The following DMD variants were observed in gnomAD, a reference collection of about 807,000 sequenced individuals.
DMD encodes the protein mutant dystrophin.
Under a neutral mutation model 330.1 loss-of-function variants are expected in DMD, and 63 were observed. That is an observed-to-expected ratio of 0.19 (90% confidence interval 0.16 to 0.24). The LOEUF (loss-of-function observed/expected upper bound fraction) is 0.24, where lower values mean the gene tolerates loss of function less well. DMD is among the 10% of genes least tolerant of loss of function. DMD has a pLI of 1.00. For missense variants in DMD, 3,344 were observed against 2,684.1 expected, an observed-to-expected ratio of 1.25 and a Z score of -5.43; for synonymous variants, 1,223 against 959.8, an observed-to-expected ratio of 1.27 and a Z score of -5.07.
At chrX:32,877,376 A>G (rs968016210) in intron 2 of DMD, among the ~76,000 whole-genome samples, 1 of 112,718 alleles carries the variant, frequency 8.9e-6, no homozygotes, top group African/African-American at 3.2e-5. Context: ...GAATGCTAAC[A>G]TTTGAAAAAA....
chrX:32,588,502 A>C (rs1321142281), intron 13 of DMD, among the ~76,000 whole-genome samples: 1 of 112,206 alleles, frequency 8.9e-6, no homozygotes, highest in Non-Finnish European at 1.9e-5. Flanking sequence ...GACATAAAGC[A>C]GATAACATGA....
intron 44 of DMD, among the ~76,000 whole-genome samples, chrX:32,105,980 T>C (rs963420807): frequency 6.3e-5 from 7 of 111,859 alleles, no homozygotes; most frequent in African/African-American, 1.9e-4. Context: ...GCTTTCAAAA[T>C]TTTTTCCTGC....
At chrX:32,205,461 T>C (rs1404033959) in intron 44 of DMD, among the ~76,000 whole-genome samples, 1 of 109,947 alleles carries the variant, frequency 9.1e-6, no homozygotes, top group East Asian at 2.9e-4. Flanking sequence ...CTAGTTACTC[T>C]TTGGGTTGCC....
At chrX:31,341,533 G>A (rs5927725) in intron 61 of DMD, among the ~76,000 whole-genome samples, 29,795 of 110,707 alleles carry the variant, frequency 0.27, 3,055 homozygotes, top group East Asian at 0.55. Flanking sequence ...GAGGTGTTGA[G>A]AGAAAAATTT....
chrX:32,487,121 C>T (rs1410633960), intron 20 of DMD, among the ~76,000 whole-genome samples: 3 of 110,988 alleles, frequency 2.7e-5, no homozygotes, highest in Non-Finnish European at 5.7e-5. Context: ...GGCTAATATC[C>T]AGAATCTACA....
intron 16 of DMD, among the ~76,000 whole-genome samples, chrX:32,560,966 T>C (rs767139785): frequency 2.1e-4 from 24 of 111,912 alleles, no homozygotes; most frequent in Admixed American, 1.0e-3. Context: ...GTAACGGCCT[T>C]GCTGGGTATT....
chrX:32,679,578 G>A (rs1331142763), intron 9 of DMD, among the ~76,000 whole-genome samples: 1 of 110,652 alleles, frequency 9.0e-6, no homozygotes, highest in Non-Finnish European at 1.9e-5. Context: ...TTTAACAGAA[G>A]GAATCTTAAT....
At chrX:31,317,509 A>ATTTTT (rs775949235) in intron 62 of DMD, among the ~76,000 whole-genome samples, 1 of 84,913 alleles carries the variant, frequency 1.2e-5, no homozygotes. Flanking sequence ...AAATGAGGAA[A>ATTTTT]TTTTTTTTTT....
chrX:32,733,296 T>A (rs1316788784), intron 7 of DMD, among the ~76,000 whole-genome samples: 1 of 109,916 alleles, frequency 9.1e-6, no homozygotes, highest in Non-Finnish European at 1.9e-5. Flanking sequence ...AGACTTAGAC[T>A]CCCACACATT....
intron 2 of DMD, among the ~76,000 whole-genome samples, chrX:32,860,641 G>C (rs572275721): frequency 9.0e-6 from 1 of 110,593 alleles, no homozygotes; most frequent in African/African-American, 3.3e-5. Context: ...GCAGTATTCT[G>C]TTGCGGAATA....
At chrX:32,333,401 T>C (rs1417786212) in intron 41 of DMD, among the ~76,000 whole-genome samples, 1 of 111,036 alleles carries the variant, frequency 9.0e-6, no homozygotes, top group Non-Finnish European at 1.9e-5. Context: ...TCTTTCATTG[T>C]TTTTGAAAAT....
At chrX:31,950,542 T>C (rs2095147265) in intron 45 of DMD, among the ~76,000 whole-genome samples, 1 of 111,142 alleles carries the variant, frequency 9.0e-6, no homozygotes, top group Non-Finnish European at 1.9e-5. Flanking sequence ...ATATTGTTGC[T>C]ATTTTTCTGT....
intron 57 of DMD, among the ~76,000 whole-genome samples, chrX:31,483,532 C>A (rs1043355931): frequency 8.9e-6 from 1 of 112,205 alleles, no homozygotes; most frequent in Non-Finnish European, 1.9e-5. Context: ...GGACTTAGAT[C>A]CACCACAGCT....
rs750132528 is a variant in DMD, at chrX:33,109,946, A to T, written c.32-89746T>A. On this transcript the variant is annotated intron_variant, in intron 1 of 78. Transcript: ENST00000357033. ...TGAAAACAGAATAGGATGCCCAACA[A>T]TGGTTTAAAAAAAAAAAAGGTTTTT... Among the ~76,000 whole-genome samples the T allele has an allele frequency of 6.3e-5, 7 of 110,247 alleles. No individual in the cohort carries two copies. The South Asian group carries it at 2.7e-3, about 42-fold the overall frequency.
chrX:31,761,760 T>C (rs1451930327), intron 51 of DMD, among the ~76,000 whole-genome samples: 1 of 112,236 alleles, frequency 8.9e-6, no homozygotes, highest in African/African-American at 3.2e-5. Context: ...TTTTTCTCCA[T>C]TTTATTTCCT....
rs192929158 is a variant in DMD at position 32,711,637 on chromosome X, A to G, written c.650-12344T>C. 4.2e-3 allele frequency among the ~76,000 whole-genome samples: 471 copies of G among 112,087 alleles called. 1 individual carries two copies. The highest frequency in any genetic ancestry group is 0.013 in the African/African-American group (413 of 30,928). Reference sequence around the variant, plus strand: ...AAGCCATACATGCTTATTGTAGTGGAAAACTAAAACAGTACAGACGCATTT... The same window carrying G: ...AAGCCATACATGCTTATTGTAGTGGGAAACTAAAACAGTACAGACGCATTT... On this transcript the variant is annotated intron_variant, in intron 7 of 78. Coordinates refer to ENST00000357033, the MANE Select transcript of DMD (RefSeq NM_004006.3).
At position 31,988,390 on chromosome X, in the gene DMD, C is replaced by T. The variant is rs190251965; in HGVS notation, c.6439-19876G>A. Among the ~76,000 whole-genome samples, 249 of 93,146 alleles carry T rather than the reference C, an allele frequency of 2.7e-3. 2 individuals carry two copies. The highest frequency in any genetic ancestry group is 9.9e-3 in the African/African-American group (241 of 24,349). 80.9% of individuals were successfully genotyped at this position (93,146 alleles called of 115,157 possible). On this transcript the variant is annotated intron_variant, in intron 44 of 78. Coordinates refer to ENST00000357033, the MANE Select transcript of DMD (RefSeq NM_004006.3). ...TTGGGAGGCTGAGGCAGGAGAATGGCGTGAACCCGGGCAGTGGAGCTTGCA... is the reference window on the plus strand; with the variant it reads ...TTGGGAGGCTGAGGCAGGAGAATGGTGTGAACCCGGGCAGTGGAGCTTGCA...
At chrX:31,919,423 A>G (rs1361110592) in intron 47 of DMD, among the ~76,000 whole-genome samples, 3 of 112,483 alleles carry the variant, frequency 2.7e-5, no homozygotes, top group Non-Finnish European at 1.9e-5. Context: ...CATTTGAGGT[A>G]TAAGCATCAG....
chrX:31,625,896 G>C (rs1022419737), intron 55 of DMD, among the ~76,000 whole-genome samples: 5 of 111,617 alleles, frequency 4.5e-5, no homozygotes, highest in African/African-American at 9.8e-5. Context: ...AAAGTAATCT[G>C]CTAAAAATAG....
Sources: allele counts gnomAD v4.1 joint callset (sites outside exome capture counted in the v4.1 genomes callset), GRCh38; gene constraint gnomAD v4.1.1; transcripts MANE v1.5; gene names NCBI Gene and HGNC (gene_info 2026-07-23, HGNC 2026-07-21).